FCRL2: variants seen among roughly 807,000 people sequenced by gnomAD.
FCRL2 encodes the protein Fc receptor like 2.
A neutral mutation model predicts 59.8 loss-of-function variants in FCRL2; 48 were observed. The observed-to-expected ratio is 0.80, with a 90% CI of 0.64 to 1.02. The LOEUF is 1.02. Among genes scored for constraint, FCRL2 ranks in the 50% least tolerant of loss-of-function variants. FCRL2 has a pLI of 0.00. For synonymous variants in FCRL2, 251 were observed against 229.5 expected (o/e 1.09, Z -0.85); for missense variants, 658 against 597.3 (o/e 1.10, Z -1.06).
rs1042123768 is a variant in FCRL2, at chr1:157,746,378, A to C, written c.*358T>G. ...AAACTGTATCCAGCAGCACATAAATAAGTTAATACACCACTATCAAGTCCT... is the reference window on the plus strand; with the variant it reads ...AAACTGTATCCAGCAGCACATAAATCAGTTAATACACCACTATCAAGTCCT... On this transcript the variant is annotated 3_prime_UTR_variant, in exon 12 of 12. Transcript: ENST00000361516. 1 of 221,996 alleles carries C rather than the reference A, an allele frequency of 4.5e-6. No individual in the cohort carries two copies. The highest frequency in any genetic ancestry group is 2.3e-5 in the African/African-American group (1 of 43,932). The allele number at this position is 221,996 out of a possible 1,614,324, so 13.8% of individuals were successfully genotyped here.
chr1:157,748,975 A>G lies in FCRL2; in HGVS notation c.1308-15T>C, dbSNP rs768651905. 26 of 1,607,952 alleles carry G rather than the reference A, an allele frequency of 1.6e-5. No individual in the cohort carries two copies. The highest frequency in any genetic ancestry group is 1.7e-4 in the Middle Eastern group (1 of 6,000). On this transcript the variant is annotated splice_polypyrimidine_tract_variant and intron_variant, in intron 8 of 11. Coordinates refer to ENST00000361516, the MANE Select transcript of FCRL2 (RefSeq NM_030764.4). ...TGGAAGCCCCTCTGTGAGAAAGTGA[A>G]TTAATTGTATGATAATCCCCAGGGC...
chr1:157,770,724 C>G (rs1179306087), intron 2 of FCRL2, 58 bp from the exon 3 acceptor site: 13 of 1,589,898 alleles, frequency 8.2e-6, no homozygotes. Context: ...CAGACAGACT[C>G]CATTGGCAGT....
At chr1:157,766,388 G>A (rs1318415558) in intron 7 of FCRL2, among the ~76,000 whole-genome samples, 1 of 151,994 alleles carries the variant, frequency 6.6e-6, no homozygotes, top group Admixed American at 6.5e-5. Context: ...GGAGAATGGT[G>A]TGAACCCAGG....
chr1:157,760,703 G>GAAGGAAA (rs1553203629), intron 7 of FCRL2, among the ~76,000 whole-genome samples: 2 of 79,030 alleles, frequency 2.5e-5, no homozygotes, highest in African/African-American at 1.1e-4. Context: ...AAGAAGGAAA[G>GAAGGAAA]AAAGAAAGAA....
chr1:157,765,097 C>T (rs1014720147), intron 7 of FCRL2, among the ~76,000 whole-genome samples: 1 of 151,958 alleles, frequency 6.6e-6, no homozygotes, highest in Non-Finnish European at 1.5e-5. Context: ...AAAGAAGACT[C>T]AAATAAACAT....
chr1:157,770,481 A>G lies in FCRL2; in HGVS notation c.238T>C (p.Tyr80His). 1 of 1,613,892 alleles carries G rather than the reference A, an allele frequency of 6.2e-7. No individual in the cohort carries two copies. Among genetic ancestry groups the G allele is most frequent in the Non-Finnish European group, 8.5e-7 (1 of 1,179,732 alleles). Residue 80 changes from tyrosine (Y) to histidine (H), a missense_variant, in exon 3 of 12, where the codon TAT (tyrosine) becomes CAT (histidine). Coordinates refer to ENST00000361516, the MANE Select transcript of FCRL2 (RefSeq NM_030764.4). ...AGTTGTCCTTTGGTACTACAGAAAT[A>G]GTTACCACTGTCACTTAAAACTGCA... ...QSAVLSDSGN[Y>H]FCSTKGQLFL... is the part of the protein sequence containing the mutation.
chr1:157,760,843 G>A (rs1649045662), intron 7 of FCRL2, among the ~76,000 whole-genome samples: 1 of 150,580 alleles, frequency 6.6e-6, no homozygotes, highest in African/African-American at 2.4e-5. Flanking sequence ...TGCCTATTTG[G>A]TATCATGCTG....
At chr1:157,770,384 C>T in intron 3 of FCRL2, 25 bp downstream of exon 3, 2 of 1,565,966 alleles carry the variant, frequency 1.3e-6, no homozygotes, top group Non-Finnish European at 1.7e-6. Context: ...TCACCCAGCC[C>T]ATCCCACAGA....
intron 7 of FCRL2, among the ~76,000 whole-genome samples, chr1:157,754,336 T>C (rs1299559652): frequency 6.6e-6 from 1 of 152,182 alleles, no homozygotes; most frequent in Non-Finnish European, 1.5e-5. Context: ...ACCAGTGGCA[T>C]GATGGTTTAC....
intron 7 of FCRL2, among the ~76,000 whole-genome samples, chr1:157,766,323 T>A (rs1012894495): frequency 3.9e-5 from 6 of 152,086 alleles, no homozygotes; most frequent in Non-Finnish European, 7.4e-5. Flanking sequence ...TACAAAAAAT[T>A]AGCCGGGTGT....
intron 7 of FCRL2, among the ~76,000 whole-genome samples, chr1:157,762,324 C>T (rs1236075760): frequency 6.6e-6 from 1 of 152,256 alleles, no homozygotes; most frequent in Non-Finnish European, 1.5e-5. Context: ...GCCACTGCCA[C>T]TGCCATTGCC....
chr1:157,758,642 A>G (rs1478776892), intron 7 of FCRL2, among the ~76,000 whole-genome samples: 1 of 151,224 alleles, frequency 6.6e-6, no homozygotes, highest in Non-Finnish European at 1.5e-5. Flanking sequence ...ATTCATTTGG[A>G]ACCAAAAAAG....
At chr1:157,767,186 A>G in intron 6 of FCRL2, 45 bp downstream of exon 6, 1 of 1,566,896 alleles carries the variant, frequency 6.4e-7, no homozygotes. Context: ...CTGGTGAGAC[A>G]CAGCCATTGA....
Position 157,748,925 on chromosome 1 carries a change from TA to T in FCRL2, c.1342del (p.Tyr448IlefsTer21). ...CTCCATGTCTGGGGTTGGGCTTGAA[TA>T]GGTGAACTCTTGAGGATTTGGCCTG... is the stretch of plus-strand genomic sequence containing the variant. ...ASRPNPQEFT[Y>X]SSPTPDMEEL... On this transcript the variant is annotated frameshift_variant, in exon 9 of 12. Transcript: ENST00000361516. LOFTEE classifies it high-confidence loss of function. 8 of 1,613,996 alleles carry T rather than the reference TA, an allele frequency of 5.0e-6. No individual in the cohort carries two copies. The highest frequency in any genetic ancestry group is 6.8e-6 in the Non-Finnish European group (8 of 1,179,932).
At position 157,768,815 on chromosome 1, in the gene FCRL2, C is replaced by T. The variant is rs1649746036; in HGVS notation, c.596-114G>A. ...GGAATGTGGAGATTGTATAGATAATCCATTATAAGCATTCCTATGGAGGTA... is the reference window on the plus strand; with the variant it reads ...GGAATGTGGAGATTGTATAGATAATTCATTATAAGCATTCCTATGGAGGTA... On this transcript the variant is annotated intron_variant, in intron 4 of 11. Coordinates refer to ENST00000361516, the MANE Select transcript of FCRL2 (RefSeq NM_030764.4). The T allele has an allele frequency of 3.0e-6, 3 of 1,011,520 alleles. No homozygotes were observed. In the African/African-American group the frequency reaches 4.8e-5, roughly 16 times the overall value. 62.7% of individuals were successfully genotyped at this position (1,011,520 alleles called of 1,614,324 possible).
chr1:157,762,503 T>C (rs1649178415), intron 7 of FCRL2, among the ~76,000 whole-genome samples: 1 of 152,178 alleles, frequency 6.6e-6, no homozygotes, highest in African/African-American at 2.4e-5. Context: ...AAAGACAGAA[T>C]GAAAAGGTTA....
intron 8 of FCRL2, 133 bp downstream of exon 8, chr1:157,749,517 A>G (rs1027130079): frequency 1.6e-6 from 1 of 615,754 alleles, no homozygotes; most frequent in African/African-American, 1.8e-5. Context: ...TAGAGACAAG[A>G]GTAAGTATTA....
intron 7 of FCRL2, among the ~76,000 whole-genome samples, chr1:157,759,688 T>C (rs1179440807): frequency 6.6e-6 from 1 of 152,148 alleles, no homozygotes; most frequent in Admixed American, 6.5e-5. Context: ...AAAAATCATA[T>C]GAAAAAGTGT....
At chr1:157,759,732 A>G (rs1034651335) in intron 7 of FCRL2, among the ~76,000 whole-genome samples, 3 of 152,246 alleles carry the variant, frequency 2.0e-5, no homozygotes, top group African/African-American at 4.8e-5. Context: ...AATGTAAATC[A>G]AAACCCCAAT....
Sources: allele counts gnomAD v4.1 joint callset (sites outside exome capture counted in the v4.1 genomes callset), GRCh38; gene constraint gnomAD v4.1.1; transcripts MANE v1.5; gene names NCBI Gene and HGNC (gene_info 2026-07-23, HGNC 2026-07-21).